The following RPS9 variants were observed in gnomAD, a reference collection of about 807,000 sequenced individuals.
The protein encoded by RPS9 is small ribosomal subunit protein uS4.
Under a neutral mutation model 16.9 loss-of-function variants are expected in RPS9, and 1 was observed. The ratio of observed to expected loss-of-function variants is 0.06; its 90% confidence interval spans 0.02 to 0.28. The LOEUF is 0.28. RPS9 is among the 10% of genes least tolerant of loss of function. The pLI is 1.00. For synonymous variants in RPS9, 106 were observed against 110.9 expected (o/e 0.96, Z 0.28); for missense variants, 137 against 273.2 (o/e 0.50, Z 3.51).
intron 3 of RPS9, among the ~76,000 whole-genome samples, chr19:54,203,931 A>G (rs1028179158): frequency 6.6e-6 from 1 of 152,204 alleles, no homozygotes; most frequent in African/African-American, 2.4e-5. Flanking sequence ...AGCATTTTAA[A>G]TTCTCTTGGT....
intron 3 of RPS9, among the ~76,000 whole-genome samples, chr19:54,203,550 A>G (rs557584216): frequency 6.6e-6 from 1 of 152,248 alleles, no homozygotes; most frequent in East Asian, 1.9e-4. Flanking sequence ...GGATCACTTG[A>G]GGTCAGGAGA....
Position 54,201,194 on chromosome 19 carries a change from G to C in RPS9, c.10G>C (p.Ala4Pro), listed in dbSNP as rs780013236. The C allele has an allele frequency of 6.2e-7, 1 of 1,605,658 alleles. No homozygotes were observed. Among genetic ancestry groups the C allele is most frequent in the East Asian group, 2.2e-5 (1 of 44,888 alleles). Residue 4 changes from alanine (A) to proline (P), a missense_variant, in exon 2 of 5, where the codon GCC becomes CCC. Around this residue, in one of 3 missense-constraint regions of RPS9, gnomAD observed 64 missense variants for 164.0 expected, o/e 0.39. Coordinates refer to ENST00000302907, the MANE Select transcript of RPS9 (RefSeq NM_001013.4). ...GGGAAGCGGAGCCAACATGCCAGTG[G>C]CCCGGAGCTGGGTTTGTCGCAAAAC... MPV[A>P]RSWVCRKTYV...
intron 3 of RPS9, among the ~76,000 whole-genome samples, chr19:54,204,420 A>G (rs150198254): frequency 1.3e-5 from 2 of 152,210 alleles, no homozygotes; most frequent in East Asian, 1.9e-4. Context: ...TGTTTTGCCT[A>G]ATGGTGACGA....
At chr19:54,204,813 T>C (rs2077185883) in intron 3 of RPS9, among the ~76,000 whole-genome samples, 1 of 148,022 alleles carries the variant, frequency 6.8e-6, no homozygotes, top group African/African-American at 2.4e-5. Context: ...TTGGACATGT[T>C]TTTGTATTTT....
Position 54,201,546 on chromosome 19 carries a change from A to T in RPS9, c.157A>T (p.Ile53Phe). 6.2e-7 allele frequency: 1 copy of T among 1,614,064 alleles called. No homozygotes were observed. Among genetic ancestry groups the T allele is most frequent in the Non-Finnish European group, 8.5e-7 (1 of 1,180,014 alleles). The change falls in exon 3 of 5, where the codon ATC (isoleucine) becomes TTC (phenylalanine). Residue 53 changes from isoleucine to phenylalanine, a missense_variant. Physicochemically the swap from Ile to Phe is conservative, Grantham distance 21. Coordinates refer to ENST00000302907, the MANE Select transcript of RPS9 (RefSeq NM_001013.4). ...GAGGGTCAAATTTACCCTGGCCAAG[A>T]TCCGCAAGGCCGCCCGGGAACTGCT... is the stretch of plus-strand genomic sequence containing the variant. ...VWRVKFTLAK[I>F]RKAARELLTL...
At chr19:54,201,763 T>C (rs568451454) in intron 3 of RPS9, 154 bp downstream of exon 3, 2 of 1,436,850 alleles carry the variant, frequency 1.4e-6, no homozygotes, top group African/African-American at 1.4e-5. Context: ...GTAGGAAAAG[T>C]GTATCTGGAT....
At chr19:54,201,653 G>A (rs375184134) in intron 3 of RPS9, 44 bp downstream of exon 3, 2 of 1,610,022 alleles carry the variant, frequency 1.2e-6, no homozygotes, top group African/African-American at 2.7e-5. Context: ...TGCAGGGCTT[G>A]TGAGGTTCAT....
intron 3 of RPS9, among the ~76,000 whole-genome samples, chr19:54,204,713 G>T (rs545960503): frequency 6.6e-6 from 1 of 152,200 alleles, no homozygotes; most frequent in Non-Finnish European, 1.5e-5. Flanking sequence ...GGGACTGTGC[G>T]TGGCTTAAGT....
chr19:54,206,823 C>A, intron 4 of RPS9: 2 of 1,075,078 alleles, frequency 1.9e-6, no homozygotes, highest in Non-Finnish European at 2.6e-6. Flanking sequence ...GAAGTTGATT[C>A]CAGACCCCGA....
At chr19:54,201,086 G>C (rs1017459726) in intron 1 of RPS9, 74 bp from the exon 2 acceptor site, 203 of 1,581,246 alleles carry the variant, frequency 1.3e-4, no homozygotes, top group Non-Finnish European at 1.7e-4. Flanking sequence ...TGGGCTCCGC[G>C]AGGTTTTGGC....
At chr19:54,202,947 C>G (rs1003480471) in intron 3 of RPS9, 2 of 968,868 alleles carry the variant, frequency 2.1e-6, no homozygotes, top group Non-Finnish European at 2.5e-6. Context: ...ATCCATCCAC[C>G]TCAGCTTTCC....
At chr19:54,203,387 C>T (rs2077127881) in intron 3 of RPS9, 1 of 806,452 alleles carries the variant, frequency 1.2e-6, no homozygotes, top group African/African-American at 1.9e-5. Context: ...TCCTGCCTTT[C>T]CCACTAAGAT....
chr19:54,206,692 A>G (rs1386312411), intron 4 of RPS9: 1 of 1,524,306 alleles, frequency 6.6e-7, no homozygotes. Flanking sequence ...CACCTTGTGA[A>G]GGCCTCTGCC....
intron 3 of RPS9, chr19:54,203,163 C>T (rs966277685): frequency 2.2e-6 from 2 of 927,744 alleles, no homozygotes; most frequent in African/African-American, 1.8e-5. Flanking sequence ...GGACATAGAT[C>T]CTAATTGCAA....
intron 3 of RPS9, chr19:54,202,725 T>G: frequency 1.0e-6 from 1 of 985,410 alleles, no homozygotes; most frequent in Non-Finnish European, 1.2e-6. Context: ...GTAGTCATGA[T>G]TTATGGTGAA....
At chr19:54,206,969 C>T (rs997249398) in intron 4 of RPS9, 5 of 450,154 alleles carry the variant, frequency 1.1e-5, no homozygotes, top group Admixed American at 3.9e-5. Flanking sequence ...CCCTGTGAGC[C>T]GTAGGCAGAG....
In RPS9 at chr19:54,202,706, T is replaced by A. The variant is rs185549578; in HGVS notation, c.220+1097T>A. Reference sequence around the variant, plus strand: ...TATATCCTGAGACGCTGCTTTTGCCTGAGTTTGGGTAGTCATGATTTATGG... The same window carrying A: ...TATATCCTGAGACGCTGCTTTTGCCAGAGTTTGGGTAGTCATGATTTATGG... On this transcript the variant is annotated intron_variant, in intron 3 of 4. Transcript: ENST00000302907. 1.0e-5 allele frequency: 10 copies of A among 985,434 alleles called. No individual in the cohort carries two copies. The African/African-American group carries it at 1.6e-4, about 15-fold the overall frequency. The allele number at this position is 985,434 out of a possible 1,614,324, so 61.0% of individuals were successfully genotyped here.
At chr19:54,206,754 G>C (rs2077255382) in intron 4 of RPS9, 2 of 1,452,992 alleles carry the variant, frequency 1.4e-6, no homozygotes, top group African/African-American at 1.4e-5. Context: ...CCAGTGGAGG[G>C]AGAGAACCAG....
intron 3 of RPS9, among the ~76,000 whole-genome samples, chr19:54,205,727 T>C (rs914403669): frequency 4.6e-5 from 7 of 152,300 alleles, no homozygotes; most frequent in Admixed American, 2.6e-4. Context: ...GGATGTATGC[T>C]CTCAGATGAG....
Sources: gnomAD v4.1 joint callset for allele counts (sites outside exome capture counted in the v4.1 genomes callset) on GRCh38, gnomAD v4.1.1 for gene constraint, gnomAD v4.1.1 regional missense constraint, MANE v1.5 for transcripts, NCBI Gene and HGNC (gene_info 2026-07-23, HGNC 2026-07-21) for gene names.